SLC35F4: variants seen among roughly 807,000 people sequenced by gnomAD.
SLC35F4 encodes the protein solute carrier family 35 member F4, also known as chromosome 14 open reading frame 36.
SLC35F4 carries 24 observed loss-of-function variants against 44.2 expected under a neutral mutation model. The observed-to-expected ratio is 0.54, with a 90% CI of 0.39 to 0.76. SLC35F4 has a LOEUF of 0.76. Ranked by LOEUF, SLC35F4 falls within the 30% of genes least tolerant of loss-of-function variation. The probability of loss-of-function intolerance (pLI) is 0.00; values close to 1 mark genes in which losing one functional copy is unlikely to be tolerated. For synonymous variants in SLC35F4, 238 were observed against 223.6 expected (o/e 1.06, Z -0.57); for missense variants, 562 against 586.1 (o/e 0.96, Z 0.42).
chr14:57,810,553 A>T (rs1045574072), intron 1 of SLC35F4, among the ~76,000 whole-genome samples: 2 of 152,202 alleles, frequency 1.3e-5, no homozygotes, highest in Non-Finnish European at 2.9e-5. Flanking sequence ...CGTCCTCAGT[A>T]TCAACACCTG....
intron 1 of SLC35F4, among the ~76,000 whole-genome samples, chr14:57,910,396 T>A (rs1889194646): frequency 6.6e-6 from 1 of 152,098 alleles, no homozygotes; most frequent in Non-Finnish European, 1.5e-5. Flanking sequence ...ACTTAGGCCT[T>A]ATCCAATGTT....
intron 1 of SLC35F4, among the ~76,000 whole-genome samples, chr14:57,722,911 G>T (rs1362435582): frequency 6.6e-6 from 1 of 152,182 alleles, no homozygotes; most frequent in Non-Finnish European, 1.5e-5. Context: ...GAAGGGGAAG[G>T]CTGGGTTCCC....
intron 1 of SLC35F4, among the ~76,000 whole-genome samples, chr14:57,605,453 TAAG>T (rs569730382): frequency 6.6e-6 from 1 of 151,962 alleles, no homozygotes; most frequent in African/African-American, 2.4e-5. Context: ...AGTCAAAAAA[TAAG>T]AGATGTTGGT....
intron 1 of SLC35F4, among the ~76,000 whole-genome samples, chr14:57,827,812 A>G (rs1241080807): frequency 6.6e-6 from 1 of 152,110 alleles, no homozygotes; most frequent in East Asian, 1.9e-4. Flanking sequence ...TCAAAAAAAA[A>G]AAAAACAGTA....
chr14:57,777,972 AC>A (rs2077530849), intron 1 of SLC35F4, among the ~76,000 whole-genome samples: 1 of 152,176 alleles, frequency 6.6e-6, no homozygotes, highest in Admixed American at 6.5e-5. Context: ...CTGTGTCCCC[AC>A]CCAAATCTCA....
intron 1 of SLC35F4, among the ~76,000 whole-genome samples, chr14:57,967,535 A>G (rs1880909758): frequency 6.6e-6 from 1 of 151,926 alleles, no homozygotes. Context: ...AACTCTTCTC[A>G]TATATAGTAG....
chr14:57,712,910 G>T (rs980134772), intron 1 of SLC35F4, among the ~76,000 whole-genome samples: 1 of 152,074 alleles, frequency 6.6e-6, no homozygotes, highest in African/African-American at 2.4e-5. Flanking sequence ...CACCTTTGAG[G>T]AGTTTCAGTA....
At chr14:57,806,560 C>T (rs1005318317) in intron 1 of SLC35F4, among the ~76,000 whole-genome samples, 2 of 152,098 alleles carry the variant, frequency 1.3e-5, no homozygotes, top group African/African-American at 4.8e-5. Context: ...CTCTTTCTCC[C>T]AGATAGCTTC....
intron 1 of SLC35F4, among the ~76,000 whole-genome samples, chr14:57,838,904 T>C (rs564128091): frequency 1.3e-5 from 2 of 152,206 alleles, no homozygotes; most frequent in South Asian, 4.1e-4. Flanking sequence ...GAGAATGGCA[T>C]GAATAAAAAA....
rs1368832941 is a variant in SLC35F4, at chr14:57,874,417, A to C, written n.282+107496T>G. The stretch of plus-strand genomic sequence containing the variant: ...TAAAGGTTGAAGAAATCATTGTAAC[A>C]AACAAAAGTTTTCATCAGAAGCCTA... On this transcript the variant is annotated intron_variant and non_coding_transcript_variant, in intron 1 of 1. Coordinates refer to the SLC35F4 transcript ENST00000556568. Among the ~76,000 whole-genome samples the C allele has an allele frequency of 2.0e-4, 31 of 152,262 alleles. 1 individual carries two copies. The highest frequency in any genetic ancestry group is 2.0e-3 in the Admixed American group (30 of 15,284).
At chr14:57,956,598 AAAAC>A (rs1343404155) in intron 1 of SLC35F4, among the ~76,000 whole-genome samples, 5 of 152,212 alleles carry the variant, frequency 3.3e-5, no homozygotes, top group South Asian at 2.1e-4. Context: ...TTACAAGAAA[AAAAC>A]AAACAACCCC....
intron 1 of SLC35F4, among the ~76,000 whole-genome samples, chr14:57,928,500 C>T (rs1401581591): frequency 6.6e-6 from 1 of 152,218 alleles, no homozygotes; most frequent in East Asian, 1.9e-4. Context: ...CGGGCATTAA[C>T]TGAGGCTGAG....
At chr14:57,915,220 C>G (rs1009954104) in intron 1 of SLC35F4, among the ~76,000 whole-genome samples, 2 of 152,154 alleles carry the variant, frequency 1.3e-5, no homozygotes, top group Admixed American at 6.5e-5. Context: ...TACGCCCATC[C>G]TTTGAAACTA....
At chr14:57,891,223 C>A (rs184473450) in intron 1 of SLC35F4, among the ~76,000 whole-genome samples, 1 of 152,084 alleles carries the variant, frequency 6.6e-6, no homozygotes, top group Non-Finnish European at 1.5e-5. Context: ...GTTTCTTGTG[C>A]CTAAGATCTT....
intron 1 of SLC35F4, among the ~76,000 whole-genome samples, chr14:57,670,116 A>G (rs565929989): frequency 0.026 from 3,907 of 152,170 alleles, 183 homozygotes; most frequent in African/African-American, 0.088. Flanking sequence ...GTTTATTTGC[A>G]TAGAGGTGTT....
chr14:57,966,029 C>T (rs558844513), intron 1 of SLC35F4, among the ~76,000 whole-genome samples: 1 of 152,318 alleles, frequency 6.6e-6, no homozygotes, highest in African/African-American at 2.4e-5. Flanking sequence ...GTGTGGCCCA[C>T]AATTCACCTG....
chr14:57,585,241 G>GATTATCTCAATAAACCA (rs2069616122), intron 3 of SLC35F4, among the ~76,000 whole-genome samples: 1 of 151,866 alleles, frequency 6.6e-6, no homozygotes, highest in Non-Finnish European at 1.5e-5. Context: ...GCCAAAAACC[G>GATTATCTCAATAAACCA]CATGATTATC....
chr14:57,865,658 C>A, intron 1 of SLC35F4, 65 bp downstream of exon 1: 2 of 1,379,708 alleles, frequency 1.4e-6, no homozygotes, highest in East Asian at 2.7e-5. Flanking sequence ...TCCGCATCCC[C>A]GCGGCACCCC....
intron 1 of SLC35F4, among the ~76,000 whole-genome samples, chr14:57,751,337 A>C (rs1299859650): frequency 3.3e-5 from 5 of 152,142 alleles, no homozygotes; most frequent in Non-Finnish European, 5.9e-5. Context: ...AAGATGAGAA[A>C]ATTGGCATAG....
Sources: gnomAD v4.1 joint callset for allele counts (sites outside exome capture counted in the v4.1 genomes callset) on GRCh38, gnomAD v4.1.1 for gene constraint, MANE v1.5 for transcripts, NCBI Gene and HGNC (gene_info 2026-07-23, HGNC 2026-07-21) for gene names.